The following FBXL20 variants were observed in gnomAD, a reference collection of about 807,000 sequenced individuals.
The protein encoded by FBXL20 is F-box and leucine rich repeat protein 20, also known as F-box/LRR-repeat protein 20.
A neutral mutation model predicts 64.0 loss-of-function variants in FBXL20; 11 were observed. That is an observed-to-expected ratio of 0.17 (90% CI 0.11 to 0.28). The LOEUF is 0.28. Ranked by LOEUF, FBXL20 falls within the 10% of genes least tolerant of loss-of-function variation. The probability of loss-of-function intolerance (pLI) is 1.00; values close to 1 mark genes in which losing one functional copy is unlikely to be tolerated. For synonymous variants in FBXL20, 184 were observed against 189.0 expected (o/e 0.97, Z 0.22); for missense variants, 303 against 526.2 (o/e 0.58, Z 4.15).
In FBXL20 at chr17:39,261,597, AAG is replaced by A. The variant is rs1209254655; in HGVS notation, c.1204-32_1204-31del. ...AACAAGACAGAAACATTAAACGTTT[AAG>A]AGAGGGCTTAAACAGAAAGAGCAAT... On this transcript the variant is annotated intron_variant, in intron 14 of 14. Coordinates refer to ENST00000264658, the MANE Select transcript of FBXL20 (RefSeq NM_032875.3). The A allele has an allele frequency of 2.0e-6, 3 of 1,514,170 alleles. No homozygotes were observed. The East Asian group carries it at 6.8e-5, about 34-fold the overall frequency. 93.8% of individuals were successfully genotyped at this position (1,514,170 alleles called of 1,614,324 possible). A position where few individuals can be genotyped will look rare whatever the true frequency, so the allele number is the denominator to read the frequency against.
intron 3 of FBXL20, among the ~76,000 whole-genome samples, chr17:39,302,050 T>C (rs1249260738): frequency 6.6e-6 from 1 of 151,908 alleles, no homozygotes; most frequent in Non-Finnish European, 1.5e-5. Flanking sequence ...AAGTTCAGTT[T>C]ATGAAAAGCA....
chr17:39,369,178 T>TA (rs905395601), intron 1 of FBXL20, among the ~76,000 whole-genome samples: 1 of 151,828 alleles, frequency 6.6e-6, no homozygotes, highest in African/African-American at 2.4e-5. Flanking sequence ...TAAAGTACAG[T>TA]ATATTTACCA....
chr17:39,271,058 T>C (rs2046839120), intron 10 of FBXL20, among the ~76,000 whole-genome samples: 1 of 152,162 alleles, frequency 6.6e-6, no homozygotes, highest in Non-Finnish European at 1.5e-5. Context: ...GTCCTATAAA[T>C]ACCACATTTC....
At chr17:39,288,230 G>T (rs566088485) in intron 6 of FBXL20, among the ~76,000 whole-genome samples, 1 of 152,238 alleles carries the variant, frequency 6.6e-6, no homozygotes, top group African/African-American at 2.4e-5. Context: ...GCCTCCCAAA[G>T]TGCTGGGATT....
At chr17:39,344,178 G>C (rs1290901987) in intron 1 of FBXL20, among the ~76,000 whole-genome samples, 1 of 151,186 alleles carries the variant, frequency 6.6e-6, no homozygotes, top group African/African-American at 2.4e-5. Context: ...GCGGAACTCT[G>C]TCGCTACCAA....
intron 6 of FBXL20, among the ~76,000 whole-genome samples, chr17:39,290,389 T>C (rs1393272459): frequency 6.6e-6 from 1 of 152,138 alleles, no homozygotes; most frequent in Non-Finnish European, 1.5e-5. Context: ...CTCTATTGCA[T>C]TAGGCACAAC....
rs1157737714 is a variant in FBXL20, at chr17:39,257,751, A to G, written c.*3709T>C. ...AGCCCCTGGAGTAGGAGAAGGATTC[A>G]AAAAGGAAGCTAGACTTGAGACATC... On this transcript the variant is annotated 3_prime_UTR_variant, in exon 15 of 15. Transcript: ENST00000264658. The G allele has an allele frequency of 1.3e-5, 2 of 152,410 alleles. No homozygotes were observed. The highest frequency in any genetic ancestry group is 4.8e-5 in the African/African-American group (2 of 41,472). The allele number at this position is 152,410 out of a possible 1,614,324, so 9.4% of individuals were successfully genotyped here. A position where few individuals can be genotyped will look rare whatever the true frequency, so the allele number is the denominator to read the frequency against.
At chr17:39,391,270 T>A (rs1015788265) in intron 1 of FBXL20, among the ~76,000 whole-genome samples, 12 of 146,344 alleles carry the variant, frequency 8.2e-5, no homozygotes, top group South Asian at 2.1e-4. Context: ...AAAAAAAAAA[T>A]TATTAAGAAA....
intron 5 of FBXL20, 103 bp from the exon 6 acceptor site, chr17:39,297,298 A>C: frequency 3.0e-6 from 2 of 667,882 alleles, no homozygotes; most frequent in Admixed American, 2.6e-5. Context: ...GATTGTTGAT[A>C]TCTGTGATAC....
At chr17:39,372,245 G>T (rs938877555) in intron 1 of FBXL20, among the ~76,000 whole-genome samples, 12 of 152,000 alleles carry the variant, frequency 7.9e-5, no homozygotes, top group African/African-American at 2.9e-4. Context: ...AAAAGGCCAG[G>T]CACGGTGGCT....
chr17:39,377,731 T>C (rs1007070837), intron 1 of FBXL20, among the ~76,000 whole-genome samples: 2 of 152,178 alleles, frequency 1.3e-5, no homozygotes, highest in Admixed American at 1.3e-4. Flanking sequence ...CTCGATCTCC[T>C]GACCTCGTGA....
At chr17:39,378,259 TG>T (rs777263706) in intron 1 of FBXL20, among the ~76,000 whole-genome samples, 6 of 152,190 alleles carry the variant, frequency 3.9e-5, no homozygotes, top group Non-Finnish European at 8.8e-5. Context: ...ATGATATGAA[TG>T]TATCCAAAAC....
chr17:39,366,882 CTTTT>C (rs34067496), intron 1 of FBXL20, among the ~76,000 whole-genome samples: 1 of 137,704 alleles, frequency 7.3e-6, no homozygotes, highest in Non-Finnish European at 1.6e-5. Context: ...TCTATCAGTC[CTTTT>C]TTTTTTTTTT....
chr17:39,325,764 G>T (rs778321433), intron 2 of FBXL20, among the ~76,000 whole-genome samples: 2 of 152,062 alleles, frequency 1.3e-5, no homozygotes, highest in East Asian at 1.9e-4. Flanking sequence ...AAGGGTAAAA[G>T]AATTTAACTT....
At chr17:39,358,228 G>A (rs1250815706) in intron 1 of FBXL20, among the ~76,000 whole-genome samples, 1 of 152,100 alleles carries the variant, frequency 6.6e-6, no homozygotes, top group Admixed American at 6.6e-5. Flanking sequence ...GTTTTATTCA[G>A]GCCCTCAGCT....
intron 2 of FBXL20, among the ~76,000 whole-genome samples, chr17:39,338,925 G>C (rs1181882651): frequency 6.6e-6 from 1 of 152,074 alleles, no homozygotes; most frequent in African/African-American, 2.4e-5. Context: ...CCAGTACTTT[G>C]GGAGGCTGAG....
At chr17:39,367,443 A>G (rs1446975127) in intron 1 of FBXL20, among the ~76,000 whole-genome samples, 2 of 151,260 alleles carry the variant, frequency 1.3e-5, no homozygotes, top group Non-Finnish European at 2.9e-5. Flanking sequence ...CAGCCTCCCA[A>G]GTAGCTGGGA....
intron 3 of FBXL20, 90 bp from the exon 4 acceptor site, chr17:39,301,165 T>C: frequency 8.5e-7 from 1 of 1,171,908 alleles, no homozygotes; most frequent in Non-Finnish European, 1.2e-6. Flanking sequence ...AACCAACTAA[T>C]GACTAAAATG....
At position 39,301,196 on chromosome 17, in the gene FBXL20, C is replaced by T. The variant is rs928699040; in HGVS notation, c.160-121G>A. On this transcript the variant is annotated intron_variant, in intron 3 of 14. Coordinates refer to ENST00000264658, the MANE Select transcript of FBXL20 (RefSeq NM_032875.3). ...AAATGGATCCAAAAATTTATCAGGC[C>T]CTATCCACTTACTCCCAAATGATGT... 3.1e-5 allele frequency: 24 copies of T among 764,140 alleles called. No individual in the cohort carries two copies. The African/African-American group carries it at 3.3e-4, about 10-fold the overall frequency. 47.3% of individuals were successfully genotyped at this position (764,140 alleles called of 1,614,324 possible).
Sources: allele counts gnomAD v4.1 joint callset (sites outside exome capture counted in the v4.1 genomes callset), GRCh38; gene constraint gnomAD v4.1.1; transcripts MANE v1.5; gene names NCBI Gene and HGNC (gene_info 2026-07-23, HGNC 2026-07-21).